The following INVS variants were observed in gnomAD, a reference collection of about 807,000 sequenced individuals.
The protein encoded by INVS is inversin.
A neutral mutation model predicts 108.8 loss-of-function variants in INVS; 86 were observed. That is an observed-to-expected ratio of 0.79 (90% CI 0.66 to 0.95). The LOEUF is 0.95. INVS is among the 40% of genes least tolerant of loss of function. The pLI, the probability that INVS is intolerant of heterozygous loss-of-function variation, is 0.00. For synonymous variants in INVS, 455 were observed against 473.5 expected, an observed-to-expected ratio of 0.96 and a Z score of 0.51; for missense variants, 1,169 against 1,297.4, an observed-to-expected ratio of 0.90 and a Z score of 1.52.
At chr9:100,175,678 C>T (rs1411088071) in intron 3 of INVS, 6 of 640,046 alleles carry the variant, frequency 9.4e-6, no homozygotes, top group South Asian at 4.7e-5. Context: ...CTCTATTCTT[C>T]CTGCCTCCAA....
At chr9:100,220,127 GCT>G (rs1491124884) in intron 3 of INVS, among the ~76,000 whole-genome samples, 1 of 151,850 alleles carries the variant, frequency 6.6e-6, no homozygotes, top group Non-Finnish European at 1.5e-5. Flanking sequence ...ATAGCTATGT[GCT>G]TTTTTTTTAA....
intron 1 of INVS, chr9:100,102,559 G>A (rs893140878): frequency 2.0e-5 from 3 of 152,104 alleles, no homozygotes; most frequent in African/African-American, 4.8e-5. Context: ...TTAGTATTTA[G>A]CCAGGTGTGA....
In INVS at chr9:100,254,831, A is replaced by T. The variant is rs1421708205; in HGVS notation, c.1464+1695A>T. Reference sequence around the variant, plus strand: ...TTTGGTTACTGTAGCCTTATAGTACAGTTTGAAGTCAGGTAGCGTGATGCT... The same window carrying T: ...TTTGGTTACTGTAGCCTTATAGTACTGTTTGAAGTCAGGTAGCGTGATGCT... On this transcript the variant is annotated intron_variant, in intron 10 of 16. Transcript: ENST00000262457. Among the ~76,000 whole-genome samples, 4 of 152,126 alleles carry T rather than the reference A, an allele frequency of 2.6e-5. No homozygotes were observed. The South Asian group carries it at 8.3e-4, about 32-fold the overall frequency.
At chr9:100,145,538 C>T (rs1028213792) in intron 3 of INVS, among the ~76,000 whole-genome samples, 1 of 151,680 alleles carries the variant, frequency 6.6e-6, no homozygotes, top group East Asian at 1.9e-4. Flanking sequence ...AAAAGTGGTA[C>T]TTGCCACTAA....
chr9:100,216,243 A>G (rs1830982182), intron 3 of INVS, among the ~76,000 whole-genome samples: 1 of 152,212 alleles, frequency 6.6e-6, no homozygotes, highest in Non-Finnish European at 1.5e-5. Flanking sequence ...ACCAAGAATC[A>G]GTAAAAATAC....
chr9:100,226,827 A>AG (rs1283754603), intron 4 of INVS, among the ~76,000 whole-genome samples: 2 of 151,728 alleles, frequency 1.3e-5, no homozygotes, highest in Non-Finnish European at 2.9e-5. Flanking sequence ...AAAAAAAAAA[A>AG]AAAAAAAATC....
chr9:100,203,810 T>G (rs1425172669), intron 3 of INVS, among the ~76,000 whole-genome samples: 1 of 152,166 alleles, frequency 6.6e-6, no homozygotes, highest in East Asian at 1.9e-4. Flanking sequence ...TAAAGTAATA[T>G]TCACATGTAA....
chr9:100,265,814 C>T (rs930719916), intron 11 of INVS, among the ~76,000 whole-genome samples: 2 of 152,198 alleles, frequency 1.3e-5, no homozygotes, highest in South Asian at 2.1e-4. Context: ...CGGTGGCTCA[C>T]GCCTGTAATC....
intron 3 of INVS, among the ~76,000 whole-genome samples, chr9:100,173,579 A>C (rs1418707624): frequency 6.6e-6 from 1 of 152,074 alleles, no homozygotes; most frequent in Non-Finnish European, 1.5e-5. Flanking sequence ...AATACAAAAA[A>C]TTAGCTGGGC....
Position 100,292,366 on chromosome 9 carries a change from C to T in INVS, c.2109C>T (p.Val703=). Reference sequence around the variant, plus strand: ...ATTCTAAAGGCCAATCTGCTTGTGTCCACTTCAGACCCAATGAAGGCAGTG... The same window carrying T: ...ATTCTAAAGGCCAATCTGCTTGTGTTCACTTCAGACCCAATGAAGGCAGTG... ...REHSKGQSAC[V]HFRPNEGSDG... The change falls in exon 14 of 17, where the codon GTC becomes GTT. Residue 703 remains valine, a synonymous_variant. Transcript: ENST00000262457. 6.2e-7 allele frequency: 1 copy of T among 1,614,168 alleles called. No homozygotes were observed. Among genetic ancestry groups the T allele is most frequent in the Non-Finnish European group, 8.5e-7 (1 of 1,180,038 alleles).
intron 3 of INVS, among the ~76,000 whole-genome samples, chr9:100,199,961 G>T (rs1830490046): frequency 6.6e-6 from 1 of 152,024 alleles, no homozygotes. Flanking sequence ...TGTCCTACAG[G>T]TCATTGAGGT....
chr9:100,116,700 T>C (rs962939392), intron 2 of INVS: 6 of 561,966 alleles, frequency 1.1e-5, no homozygotes, highest in Non-Finnish European at 1.6e-5. Context: ...TAGGTTTTAT[T>C]TATTTTTTAT....
chr9:100,151,437 C>T (rs1449040664), intron 3 of INVS, among the ~76,000 whole-genome samples: 1 of 152,008 alleles, frequency 6.6e-6, no homozygotes, highest in Admixed American at 6.6e-5. Context: ...CATAATCACA[C>T]CACTGCATTC....
chr9:100,249,802 C>A (rs1015242137), intron 8 of INVS, among the ~76,000 whole-genome samples: 2 of 148,076 alleles, frequency 1.4e-5, no homozygotes, highest in Non-Finnish European at 3.0e-5. Context: ...CCTGAATTTA[C>A]TTTATTTAAA....
At chr9:100,115,219 T>C (rs1257643875) in intron 2 of INVS, among the ~76,000 whole-genome samples, 1 of 152,084 alleles carries the variant, frequency 6.6e-6, no homozygotes, top group Admixed American at 6.5e-5. Flanking sequence ...TTGAGAGTCT[T>C]TTCATATGCT....
intron 1 of INVS, among the ~76,000 whole-genome samples, chr9:100,100,090 G>A (rs1240205388): frequency 6.6e-6 from 1 of 152,092 alleles, no homozygotes; most frequent in Non-Finnish European, 1.5e-5. Flanking sequence ...ATAATTATTA[G>A]AGCATTTATT....
At chr9:100,116,787 G>A (rs951215234) in intron 2 of INVS, 25 of 1,416,010 alleles carry the variant, frequency 1.8e-5, no homozygotes, top group Admixed American at 7.3e-5. Flanking sequence ...GCCTGAGTCC[G>A]CTGCACGGAG....
chr9:100,101,677 C>T (rs1309155303), intron 1 of INVS: 3 of 152,160 alleles, frequency 2.0e-5, no homozygotes, highest in Admixed American at 6.5e-5. Context: ...CCAGCTCATC[C>T]GTTATAAATT....
At chr9:100,113,906 C>T (rs981305613) in intron 2 of INVS, among the ~76,000 whole-genome samples, 1 of 152,126 alleles carries the variant, frequency 6.6e-6, no homozygotes, top group Non-Finnish European at 1.5e-5. Context: ...CTATTCACTT[C>T]CTCCATTAGC....
Sources: gnomAD v4.1 joint callset for allele counts (sites outside exome capture counted in the v4.1 genomes callset) on GRCh38, gnomAD v4.1.1 for gene constraint, MANE v1.5 for transcripts, NCBI Gene and HGNC (gene_info 2026-07-23, HGNC 2026-07-21) for gene names.